DLGAP1: variants seen among roughly 807,000 people sequenced by gnomAD.
DLGAP1 encodes the protein disks large-associated protein 1.
Under a neutral mutation model 90.8 loss-of-function variants are expected in DLGAP1, and 11 were observed. The ratio of observed to expected loss-of-function variants is 0.12; its 90% confidence interval spans 0.08 to 0.20. DLGAP1 has a LOEUF of 0.20. DLGAP1 is among the 10% of genes least tolerant of loss of function. DLGAP1 has a pLI of 1.00. For missense variants in DLGAP1, 1,050 were observed against 1,333.8 expected (o/e 0.79, Z 3.31); for synonymous variants, 558 against 540.7 (o/e 1.03, Z -0.44).
intron 11 of DLGAP1, among the ~76,000 whole-genome samples, chr18:3,505,868 C>T (rs754100788): frequency 3.3e-5 from 5 of 152,056 alleles, no homozygotes; most frequent in Admixed American, 6.5e-5. Flanking sequence ...TTCTAGTGGC[C>T]AAGGAATGTG....
At chr18:3,548,622 C>A (rs1599170814) in intron 9 of DLGAP1, among the ~76,000 whole-genome samples, 2 of 152,114 alleles carry the variant, frequency 1.3e-5, no homozygotes, top group African/African-American at 4.8e-5. Flanking sequence ...CAAAAATTAG[C>A]TGGGCGTGGT....
At chr18:4,181,582 G>T (rs1430472219) in intron 1 of DLGAP1, among the ~76,000 whole-genome samples, 1 of 152,124 alleles carries the variant, frequency 6.6e-6, no homozygotes, top group Non-Finnish European at 1.5e-5. Flanking sequence ...TCCTGTGTCT[G>T]ATCTTTTAAT....
chr18:4,057,118 G>A (rs1248449079), intron 2 of DLGAP1, among the ~76,000 whole-genome samples: 1 of 150,748 alleles, frequency 6.6e-6, no homozygotes, highest in African/African-American at 2.4e-5. Context: ...CCTGCCACCA[G>A]CAATGTCAGG....
chr18:4,014,856 C>T (rs1157241575), intron 2 of DLGAP1, among the ~76,000 whole-genome samples: 1 of 152,144 alleles, frequency 6.6e-6, no homozygotes, highest in Non-Finnish European at 1.5e-5. Context: ...GGTTCTACCC[C>T]AACCTCACCA....
At chr18:4,381,215 C>T (rs946220353) in intron 1 of DLGAP1, among the ~76,000 whole-genome samples, 2 of 152,124 alleles carry the variant, frequency 1.3e-5, no homozygotes, top group African/African-American at 4.8e-5. Flanking sequence ...GGCCATTCTT[C>T]TATCTATTGG....
At chr18:3,906,447 C>A (rs867361545) in intron 3 of DLGAP1, among the ~76,000 whole-genome samples, 21 of 152,278 alleles carry the variant, frequency 1.4e-4, no homozygotes, top group Middle Eastern at 3.4e-3. Flanking sequence ...ACTCTTTATT[C>A]CCCCTGAAAA....
chr18:3,974,894 TAAAA>T (rs77364317), intron 3 of DLGAP1, among the ~76,000 whole-genome samples: 58 of 149,644 alleles, frequency 3.9e-4, no homozygotes, highest in African/African-American at 1.4e-3. Flanking sequence ...CTTGAGGACA[TAAAA>T]AAAAAATAAA....
Position 3,725,888 on chromosome 18 carries a change from C to G in DLGAP1, c.1591+3247G>C, listed in dbSNP as rs140017342. ...TAGAGCTGAGCCCATCTTCATAATTCTCTCTTGTGGCATCAGACTCTTGTC... is the reference window on the plus strand; with the variant it reads ...TAGAGCTGAGCCCATCTTCATAATTGTCTCTTGTGGCATCAGACTCTTGTC... On this transcript the variant is annotated intron_variant, in intron 7 of 12. Transcript: ENST00000315677. 2.1e-3 allele frequency among the ~76,000 whole-genome samples: 313 copies of G among 152,284 alleles called. 1 individual carries two copies. The highest frequency in any genetic ancestry group is 7.1e-3 in the African/African-American group (294 of 41,560).
chr18:3,563,856 C>T (rs1176927133), intron 9 of DLGAP1, among the ~76,000 whole-genome samples: 1 of 152,184 alleles, frequency 6.6e-6, no homozygotes, highest in East Asian at 1.9e-4. Context: ...ACATTAGTGT[C>T]CAGTTTACTA....
chr18:4,429,927 A>G (rs1186975031), intron 1 of DLGAP1, among the ~76,000 whole-genome samples: 1 of 152,212 alleles, frequency 6.6e-6, no homozygotes, highest in East Asian at 1.9e-4. Flanking sequence ...ACAATATTAA[A>G]TGAAAAAAAG....
At chr18:4,123,863 T>C (rs1278403583) in intron 2 of DLGAP1, among the ~76,000 whole-genome samples, 4 of 152,182 alleles carry the variant, frequency 2.6e-5, no homozygotes, top group Non-Finnish European at 5.9e-5. Flanking sequence ...AATGCACTAT[T>C]CTGGCATATT....
At chr18:3,523,905 A>G (rs1027407350) in intron 10 of DLGAP1, among the ~76,000 whole-genome samples, 2 of 152,146 alleles carry the variant, frequency 1.3e-5, no homozygotes, top group Non-Finnish European at 2.9e-5. Context: ...AAGACAAAAC[A>G]AAAACAAACA....
chr18:3,506,552 CAAAAA>C (rs60692504), intron 11 of DLGAP1, among the ~76,000 whole-genome samples: 1 of 101,366 alleles, frequency 9.9e-6, no homozygotes. Flanking sequence ...AACTCCATGT[CAAAAA>C]AAAAAAAAAG....
At chr18:3,965,173 C>T (rs899762678) in intron 3 of DLGAP1, among the ~76,000 whole-genome samples, 3 of 152,098 alleles carry the variant, frequency 2.0e-5, no homozygotes, top group Non-Finnish European at 4.4e-5. Flanking sequence ...ATTTGTAACA[C>T]AAAACACTGA....
intron 7 of DLGAP1, among the ~76,000 whole-genome samples, chr18:3,611,007 C>G (rs1373113576): frequency 2.0e-5 from 3 of 151,482 alleles, no homozygotes; most frequent in Non-Finnish European, 4.4e-5. Flanking sequence ...GTGGCATAAG[C>G]CTGTAGTCTC....
chr18:4,080,670 A>G (rs1243627425), intron 2 of DLGAP1, among the ~76,000 whole-genome samples: 3 of 152,156 alleles, frequency 2.0e-5, no homozygotes, highest in Non-Finnish European at 4.4e-5. Flanking sequence ...AGTTTCATCT[A>G]TAGAACAAGA....
At chr18:4,408,980 AACAC>A (rs34298940) in intron 1 of DLGAP1, among the ~76,000 whole-genome samples, 137,875 of 150,032 alleles carry the variant, frequency 0.92, 63,387 homozygotes, top group East Asian at 0.99. Context: ...CACACACACA[AACAC>A]ACACACACAC....
chr18:3,928,617 G>C (rs780064516), intron 3 of DLGAP1, among the ~76,000 whole-genome samples: 19 of 152,092 alleles, frequency 1.2e-4, no homozygotes, highest in Non-Finnish European at 2.8e-4. Context: ...ACACCTTAAA[G>C]TAGGTTCAAT....
chr18:4,132,951 G>A (rs1312096874), intron 2 of DLGAP1, among the ~76,000 whole-genome samples: 3 of 152,150 alleles, frequency 2.0e-5, no homozygotes, highest in Non-Finnish European at 4.4e-5. Context: ...CATTGGTAAT[G>A]CAAGGATACT....
Sources: gnomAD v4.1 joint callset for allele counts (sites outside exome capture counted in the v4.1 genomes callset) on GRCh38, gnomAD v4.1.1 for gene constraint, MANE v1.5 for transcripts, NCBI Gene and HGNC (gene_info 2026-07-23, HGNC 2026-07-21) for gene names.